YAP1: variants seen among roughly 807,000 people sequenced by gnomAD.
YAP1 encodes the protein transcriptional coactivator YAP1.
In YAP1, 5 loss-of-function variants were observed where a neutral mutation model predicts 56.9. That is an observed-to-expected ratio of 0.09 (90% CI 0.05 to 0.18). The LOEUF is 0.18. YAP1 is among the 10% of genes least tolerant of loss of function. YAP1 has a pLI of 1.00. For missense variants in YAP1, 539 were observed against 651.8 expected (o/e 0.83, Z 1.88); for synonymous variants, 265 against 248.1 (o/e 1.07, Z -0.64).
chr11:102,199,906 A>C (rs1228277433), intron 4 of YAP1, among the ~76,000 whole-genome samples: 1 of 152,254 alleles, frequency 6.6e-6, no homozygotes, highest in African/African-American at 2.4e-5. Context: ...TCACAGAGTC[A>C]CAAATTGTCT....
At chr11:102,121,718 T>A (rs11225135) in intron 2 of YAP1, among the ~76,000 whole-genome samples, 58,939 of 152,046 alleles carry the variant, frequency 0.39, 11,700 homozygotes, top group African/African-American at 0.46. Context: ...GGGGCTTGGA[T>A]CATTTCCCCT....
intron 3 of YAP1, among the ~76,000 whole-genome samples, chr11:102,175,843 C>A (rs1440898090): frequency 6.6e-6 from 1 of 152,140 alleles, no homozygotes; most frequent in Non-Finnish European, 1.5e-5. Flanking sequence ...TTTTTTAGCT[C>A]TATTATAAGT....
intron 4 of YAP1, among the ~76,000 whole-genome samples, chr11:102,191,048 C>G (rs1172115511): frequency 6.6e-6 from 1 of 151,904 alleles, no homozygotes; most frequent in African/African-American, 2.4e-5. Context: ...TGGCACGCAC[C>G]TATAGTCCCA....
chr11:102,219,881 G>A (rs1348021003), intron 6 of YAP1, among the ~76,000 whole-genome samples: 2 of 151,724 alleles, frequency 1.3e-5, no homozygotes, highest in South Asian at 2.1e-4. Flanking sequence ...ACAGGCATAC[G>A]CCACCACGCC....
chr11:102,225,420 G>A (rs1008753604), intron 7 of YAP1, among the ~76,000 whole-genome samples: 4 of 152,212 alleles, frequency 2.6e-5, no homozygotes, highest in African/African-American at 9.7e-5. Context: ...GGGAGGCAGA[G>A]GTTGCGGTGA....
chr11:102,191,430 G>A (rs931826071), intron 4 of YAP1, among the ~76,000 whole-genome samples: 12 of 151,670 alleles, frequency 7.9e-5, no homozygotes, highest in African/African-American at 2.9e-4. Context: ...CTGAGATCAG[G>A]GAAATTATAC....
At chr11:102,181,149 AAAAAT>A (rs1350909164) in intron 3 of YAP1, among the ~76,000 whole-genome samples, 5 of 151,744 alleles carry the variant, frequency 3.3e-5, no homozygotes, top group African/African-American at 1.2e-4. Flanking sequence ...CCTGCCTCAA[AAAAAT>A]AAAATAATAG....
chr11:102,221,878 G>A (rs1286674384), intron 6 of YAP1, among the ~76,000 whole-genome samples: 1 of 151,950 alleles, frequency 6.6e-6, no homozygotes, highest in African/African-American at 2.4e-5. Context: ...GAAAAGTTAG[G>A]TACAGTGAAT....
chr11:102,158,704 A>G (rs1389885779), intron 2 of YAP1, among the ~76,000 whole-genome samples: 2 of 152,238 alleles, frequency 1.3e-5, no homozygotes, highest in Non-Finnish European at 2.9e-5. Flanking sequence ...TTACTAACCT[A>G]CATGAGCACT....
At chr11:102,143,494 AT>A (rs1945138351) in intron 2 of YAP1, among the ~76,000 whole-genome samples, 1 of 152,190 alleles carries the variant, frequency 6.6e-6, no homozygotes, top group Admixed American at 6.5e-5. Flanking sequence ...CATTGTACAG[AT>A]GTGGAAATGT....
intron 6 of YAP1, among the ~76,000 whole-genome samples, chr11:102,219,010 A>T (rs912193485): frequency 6.6e-6 from 1 of 152,224 alleles, no homozygotes; most frequent in Non-Finnish European, 1.5e-5. Flanking sequence ...TGTAAAAATA[A>T]TATGAAAATT....
intron 3 of YAP1, among the ~76,000 whole-genome samples, chr11:102,170,093 TCTTGA>T (rs375296581): frequency 9.8e-5 from 15 of 152,342 alleles, no homozygotes; most frequent in African/African-American, 3.6e-4. Context: ...TAATCATCGC[TCTTGA>T]CTTAGCTGCA....
intron 2 of YAP1, among the ~76,000 whole-genome samples, chr11:102,138,645 T>C (rs529200167): frequency 2.0e-5 from 3 of 152,334 alleles, no homozygotes; most frequent in African/African-American, 7.2e-5. Flanking sequence ...TTAATTACTT[T>C]GTTGCTTTCT....
At chr11:102,194,821 A>G (rs999064556) in intron 4 of YAP1, among the ~76,000 whole-genome samples, 1 of 152,246 alleles carries the variant, frequency 6.6e-6, no homozygotes, top group Non-Finnish European at 1.5e-5. Context: ...CTAGTAATAA[A>G]TGAAATTAGA....
intron 2 of YAP1, among the ~76,000 whole-genome samples, chr11:102,160,582 C>T (rs1236412022): frequency 6.6e-6 from 1 of 152,136 alleles, no homozygotes; most frequent in Non-Finnish European, 1.5e-5. Context: ...TAGTAGCAAA[C>T]TTATCATTTT....
intron 6 of YAP1, among the ~76,000 whole-genome samples, chr11:102,221,004 A>G (rs1949901466): frequency 6.6e-6 from 1 of 152,228 alleles, no homozygotes; most frequent in Non-Finnish European, 1.5e-5. Context: ...TTTGGTTTCA[A>G]ATAACAGGAT....
At chr11:102,122,673 C>T (rs1943732692) in intron 2 of YAP1, among the ~76,000 whole-genome samples, 1 of 151,590 alleles carries the variant, frequency 6.6e-6, no homozygotes. Context: ...GCGGGCGGAT[C>T]ACCTGAGGTC....
At chr11:102,186,193 A>G (rs927353787) in intron 4 of YAP1, 62 bp downstream of exon 4, 2 of 1,546,168 alleles carry the variant, frequency 1.3e-6, no homozygotes, top group African/African-American at 1.4e-5. Flanking sequence ...TTGTAAATAT[A>G]CTTCGGAAAG....
chr11:102,202,150 A>G (rs1807901599), intron 4 of YAP1, among the ~76,000 whole-genome samples: 1 of 151,782 alleles, frequency 6.6e-6, no homozygotes, highest in Admixed American at 6.6e-5. Flanking sequence ...GTAGCAGAGT[A>G]TCAGAATTAT....
Sources: allele counts gnomAD v4.1 joint callset (sites outside exome capture counted in the v4.1 genomes callset), GRCh38; gene constraint gnomAD v4.1.1; transcripts MANE v1.5; gene names NCBI Gene and HGNC (gene_info 2026-07-23, HGNC 2026-07-21).